CCNY: variants seen among roughly 807,000 people sequenced by gnomAD.
The protein encoded by CCNY is cyclin Y.
CCNY carries 19 observed loss-of-function variants against 42.8 expected under a neutral mutation model. That is an observed-to-expected ratio of 0.44 (90% CI 0.31 to 0.65). CCNY has a LOEUF of 0.65. CCNY is among the 30% of genes least tolerant of loss of function. The pLI is 0.07. For missense variants in CCNY, 370 were observed against 437.3 expected (o/e 0.85, Z 1.37); for synonymous variants, 165 against 162.7 (o/e 1.01, Z -0.11).
intron 1 of CCNY, among the ~76,000 whole-genome samples, chr10:35,464,028 A>T (rs1839208323): frequency 6.6e-6 from 1 of 152,164 alleles, no homozygotes; most frequent in Non-Finnish European, 1.5e-5. Flanking sequence ...AGCCTGGAGG[A>T]AAAGGTTCTA....
rs569605461 is a variant in CCNY at position 35,424,566 on chromosome 10, C to T, written c.155-58838C>T. On this transcript the variant is annotated intron_variant, in intron 1 of 9. Coordinates refer to ENST00000374704, the MANE Select transcript of CCNY (RefSeq NM_145012.6). The stretch of plus-strand genomic sequence containing the variant: ...TTGTAGTAAACACCCCCCTGCATTT[C>T]TGCATTGCCTTGGGGCTTACAGAGT... Among the ~76,000 whole-genome samples, 10 of 152,336 alleles carry T rather than the reference C, an allele frequency of 6.6e-5. No homozygotes were observed. In the East Asian group the frequency reaches 1.9e-3, roughly 29 times the overall value.
intron 3 of CCNY, among the ~76,000 whole-genome samples, chr10:35,326,760 A>G (rs1371334290): frequency 6.6e-6 from 1 of 152,164 alleles, no homozygotes; most frequent in Non-Finnish European, 1.5e-5. Context: ...GTGGTGGTGC[A>G]TACCGGTAGT....
intron 8 of CCNY, among the ~76,000 whole-genome samples, chr10:35,554,966 A>G (rs1261717471): frequency 1.3e-5 from 2 of 152,216 alleles, no homozygotes; most frequent in Non-Finnish European, 2.9e-5. Flanking sequence ...AAATGCCAGC[A>G]AACTGAATTT....
chr10:35,435,222 C>A (rs1281541577), intron 1 of CCNY, among the ~76,000 whole-genome samples: 1 of 152,222 alleles, frequency 6.6e-6, no homozygotes, highest in South Asian at 2.1e-4. Flanking sequence ...GTCCCTATCT[C>A]TGCCAGGGCC....
intron 7 of CCNY, among the ~76,000 whole-genome samples, chr10:35,549,792 A>G (rs1484389001): frequency 8.3e-5 from 8 of 96,332 alleles, no homozygotes; most frequent in Non-Finnish European, 1.0e-4. Context: ...ATGACCCTAC[A>G]GTGCTCGTGA....
At chr10:35,511,700 T>C (rs1840328015) in intron 3 of CCNY, among the ~76,000 whole-genome samples, 1 of 152,250 alleles carries the variant, frequency 6.6e-6, no homozygotes, top group Admixed American at 6.5e-5. Flanking sequence ...TCTGAATGTT[T>C]GTGAGCTCTA....
intron 1 of CCNY, among the ~76,000 whole-genome samples, chr10:35,424,152 T>C (rs1372302553): frequency 6.6e-6 from 1 of 152,228 alleles, no homozygotes; most frequent in Non-Finnish European, 1.5e-5. Context: ...GTTATGAGGA[T>C]TGAATGAGTC....
In CCNY at chr10:35,530,032, T is replaced by TA. The variant is rs1285433944; in HGVS notation, c.459+4dup. On this transcript the variant is annotated splice_region_variant and intron_variant, in intron 6 of 9. Coordinates refer to ENST00000374704, the MANE Select transcript of CCNY (RefSeq NM_145012.6). This position sits in a 1 kb window ranked among gnomAD's most constrained non-coding sequence, Gnocchi z 4.3. ...GATGAAAATCTTCACCCTCTTTCGGTAATCTCCTCCGTGTGTTTCATGAGA... is the reference window on the plus strand; with the variant it reads ...GATGAAAATCTTCACCCTCTTTCGGTAAATCTCCTCCGTGTGTTTCATGAGA... 1 of 1,614,140 alleles carries TA rather than the reference T, an allele frequency of 6.2e-7. No homozygotes were observed. Among genetic ancestry groups the TA allele is most frequent in the Non-Finnish European group, 8.5e-7 (1 of 1,179,948 alleles).
intron 1 of CCNY, chr10:35,434,321 G>A (rs1181175372): frequency 6.6e-6 from 1 of 152,204 alleles, no homozygotes; most frequent in Non-Finnish European, 1.5e-5. Context: ...AAAAGTGATG[G>A]CTGTGTAATC....
chr10:35,312,362 C>G (rs1835696118), intron 3 of CCNY, among the ~76,000 whole-genome samples: 1 of 106,316 alleles, frequency 9.4e-6, no homozygotes, highest in Non-Finnish European at 1.7e-5. Flanking sequence ...GCCTGGGCAA[C>G]AGAGTGAGAC....
At chr10:35,380,841 A>G (rs1837167284) in intron 1 of CCNY, among the ~76,000 whole-genome samples, 2 of 152,200 alleles carry the variant, frequency 1.3e-5, no homozygotes, top group African/African-American at 4.8e-5. Flanking sequence ...AGGTCAGGCT[A>G]GAAGTGGAAC....
intron 1 of CCNY, among the ~76,000 whole-genome samples, chr10:35,370,316 T>C (rs1836903076): frequency 6.6e-6 from 1 of 152,060 alleles, no homozygotes; most frequent in Admixed American, 6.5e-5. Context: ...CACGCCCGGC[T>C]AATTTTTTGT....
intron 9 of CCNY, 102 bp from the exon 10 acceptor site, chr10:35,568,952 G>A (rs956558399): frequency 5.3e-6 from 4 of 750,284 alleles, no homozygotes; most frequent in African/African-American, 1.7e-5. Flanking sequence ...AGGGGCAGGG[G>A]CTCTGCCTGT....
intron 1 of CCNY, among the ~76,000 whole-genome samples, chr10:35,429,129 T>G (rs1838330924): frequency 6.6e-6 from 1 of 152,192 alleles, no homozygotes; most frequent in Non-Finnish European, 1.5e-5. Context: ...GGTAGTGAAG[T>G]GTATTCTTTG....
At chr10:35,409,847 T>C (rs1837865366) in intron 1 of CCNY, among the ~76,000 whole-genome samples, 1 of 152,012 alleles carries the variant, frequency 6.6e-6, no homozygotes, top group East Asian at 1.9e-4. Flanking sequence ...CATGAACTCC[T>C]AGGCTCAAGC....
At chr10:35,519,776 C>CTTTTTTTTTTTTTTTTTTTTTTT (rs1177122335) in intron 4 of CCNY, among the ~76,000 whole-genome samples, 19 of 74,660 alleles carry the variant, frequency 2.5e-4, no homozygotes, top group South Asian at 5.7e-4. Context: ...CTTTTCTTTT[C>CTTTTTTTTTTTTTTTTTTTTTTT]TTTTTTTTTT....
chr10:35,386,253 T>A (rs992933872), intron 1 of CCNY, among the ~76,000 whole-genome samples: 3 of 152,230 alleles, frequency 2.0e-5, no homozygotes, highest in Non-Finnish European at 4.4e-5. Flanking sequence ...GAACCTTTTT[T>A]GTCCTTAGCT....
intron 7 of CCNY, among the ~76,000 whole-genome samples, chr10:35,533,317 G>C (rs927799617): frequency 6.6e-6 from 1 of 151,966 alleles, no homozygotes; most frequent in Non-Finnish European, 1.5e-5. Flanking sequence ...CACTTTGCAC[G>C]CTCCTCTGTT....
At chr10:35,407,246 T>G in intron 1 of CCNY, among the ~76,000 whole-genome samples, 1 of 151,752 alleles carries the variant, frequency 6.6e-6, no homozygotes, top group African/African-American at 2.4e-5. Flanking sequence ...AGGGAGGTGA[T>G]AGAAGGATTA....
Sources: gnomAD v4.1 joint callset for allele counts (sites outside exome capture counted in the v4.1 genomes callset) on GRCh38, gnomAD v4.1.1 for gene constraint, Gnocchi (gnomAD v3.1) non-coding constraint, MANE v1.5 for transcripts, NCBI Gene and HGNC (gene_info 2026-07-23, HGNC 2026-07-21) for gene names.